Variants in IQCM observed in about 807,000 individuals in gnomAD.
The protein encoded by IQCM is IQ domain-containing protein M.
In IQCM, 45 loss-of-function variants were observed where a neutral mutation model predicts 57.6. The ratio of observed to expected loss-of-function variants is 0.78; its 90% CI spans 0.62 to 1.00. IQCM has a LOEUF of 1.00. Among genes scored for constraint, IQCM ranks in the 50% least tolerant of loss-of-function variants. IQCM has a pLI of 0.00. For synonymous variants in IQCM, 148 were observed against 158.9 expected (o/e 0.93, Z 0.51); for missense variants, 468 against 511.6 (o/e 0.91, Z 0.82).
At chr4:149,539,296 C>A (rs1747612070) in intron 12 of IQCM, among the ~76,000 whole-genome samples, 1 of 152,052 alleles carries the variant, frequency 6.6e-6, no homozygotes, top group Admixed American at 6.6e-5. Flanking sequence ...AAAAGCCAGT[C>A]ATAGTAGACT....
chr4:149,718,284 T>A (rs919258855), intron 5 of IQCM, among the ~76,000 whole-genome samples: 1 of 152,214 alleles, frequency 6.6e-6, no homozygotes, highest in African/African-American at 2.4e-5. Flanking sequence ...CTACCATAAC[T>A]CTGATTCCTA....
At chr4:149,570,763 T>C (rs1751078304) in intron 9 of IQCM, among the ~76,000 whole-genome samples, 2 of 152,198 alleles carry the variant, frequency 1.3e-5, no homozygotes, top group African/African-American at 2.4e-5. Context: ...TATTCCACAT[T>C]TACTAATGAA....
Position 149,622,204 on chromosome 4 carries a change from T to C in IQCM, c.566-960A>G, listed in dbSNP as rs1756398469. Among the ~76,000 whole-genome samples the C allele has an allele frequency of 1.3e-5, 2 of 152,190 alleles. 1 individual carries two copies. Among genetic ancestry groups the C allele is most frequent in the South Asian group, 4.1e-4 (2 of 4,828 alleles). Reference sequence around the variant, plus strand: ...AGACATTCTAATCAGTACATAAACATTCTGCCTCATTTTAACTTTATATAT... The same window carrying C: ...AGACATTCTAATCAGTACATAAACACTCTGCCTCATTTTAACTTTATATAT... On this transcript the variant is annotated intron_variant, in intron 7 of 13. Coordinates refer to ENST00000636793, the MANE Select transcript of IQCM (RefSeq NM_001363507.2).
At chr4:149,644,765 T>C (rs1310541233) in intron 7 of IQCM, among the ~76,000 whole-genome samples, 1 of 152,184 alleles carries the variant, frequency 6.6e-6, no homozygotes, top group East Asian at 1.9e-4. Flanking sequence ...TCAGGCCTCA[T>C]TCCAGACCTA....
chr4:149,697,762 G>T (rs997968549), intron 5 of IQCM, among the ~76,000 whole-genome samples: 3 of 151,862 alleles, frequency 2.0e-5, no homozygotes, highest in African/African-American at 7.3e-5. Context: ...ATTGCATTTT[G>T]CCTATCTACT....
intron 7 of IQCM, among the ~76,000 whole-genome samples, chr4:149,681,649 T>C (rs1212327088): frequency 6.6e-6 from 1 of 151,104 alleles, no homozygotes; most frequent in Non-Finnish European, 1.5e-5. Flanking sequence ...AATGACAGCC[T>C]GAAGCTCATG....
At chr4:149,396,223 T>C (rs1334477696) in intron 13 of IQCM, among the ~76,000 whole-genome samples, 1 of 151,852 alleles carries the variant, frequency 6.6e-6, no homozygotes, top group African/African-American at 2.4e-5. Flanking sequence ...ATTGTTATAG[T>C]TGTCCCCCAA....
intron 8 of IQCM, among the ~76,000 whole-genome samples, chr4:149,599,405 C>T (rs1025448650): frequency 6.6e-6 from 1 of 151,980 alleles, no homozygotes; most frequent in African/African-American, 2.4e-5. Flanking sequence ...TGTACATGTG[C>T]TAAAATTGTA....
chr4:149,721,945 G>A (rs552329684), intron 5 of IQCM, among the ~76,000 whole-genome samples: 14 of 152,020 alleles, frequency 9.2e-5, no homozygotes, highest in Non-Finnish European at 1.5e-4. Flanking sequence ...CCACATCTGT[G>A]CCAACATCTA....
chr4:149,664,990 GA>G (rs888908014), intron 7 of IQCM, among the ~76,000 whole-genome samples: 2 of 152,158 alleles, frequency 1.3e-5, no homozygotes, highest in Admixed American at 1.3e-4. Flanking sequence ...TAGGCACATG[GA>G]ATTTGAAACC....
At chr4:149,398,149 T>G (rs1732362005) in intron 13 of IQCM, among the ~76,000 whole-genome samples, 1 of 152,006 alleles carries the variant, frequency 6.6e-6, no homozygotes, top group Non-Finnish European at 1.5e-5. Context: ...ATTGAAGGTG[T>G]TGTGTATTCT....
intron 12 of IQCM, among the ~76,000 whole-genome samples, chr4:149,496,385 T>C (rs1742662130): frequency 6.6e-6 from 1 of 152,130 alleles, no homozygotes; most frequent in Non-Finnish European, 1.5e-5. Context: ...TTTGCAGATG[T>C]AATGAAGTGA....
chr4:149,625,516 G>A (rs1756715161), intron 7 of IQCM, among the ~76,000 whole-genome samples: 1 of 152,178 alleles, frequency 6.6e-6, no homozygotes, highest in African/African-American at 2.4e-5. Context: ...GACTCAGGGA[G>A]AACTGCATTT....
chr4:149,692,174 C>T (rs1444795163), intron 5 of IQCM, among the ~76,000 whole-genome samples: 1 of 152,154 alleles, frequency 6.6e-6, no homozygotes, highest in Non-Finnish European at 1.5e-5. Flanking sequence ...GCCACAGTGC[C>T]CCAGGGAGCC....
intron 8 of IQCM, among the ~76,000 whole-genome samples, chr4:149,588,593 C>T (rs1010754609): frequency 5.3e-5 from 8 of 151,688 alleles, no homozygotes; most frequent in Non-Finnish European, 1.0e-4. Flanking sequence ...GGGCCTAATT[C>T]AGCAGGACTG....
intron 9 of IQCM, among the ~76,000 whole-genome samples, chr4:149,577,985 A>G (rs1250314855): frequency 1.3e-5 from 2 of 151,718 alleles, no homozygotes; most frequent in African/African-American, 2.4e-5. Context: ...TTTGGTGTCT[A>G]TTGTGAATGG....
intron 2 of IQCM, among the ~76,000 whole-genome samples, chr4:149,781,192 C>T (rs1260574883): frequency 6.6e-6 from 1 of 152,174 alleles, no homozygotes; most frequent in Non-Finnish European, 1.5e-5. Context: ...GGCCCCTGAA[C>T]TATTGTATAC....
chr4:149,372,483 T>C (rs1730430607), intron 13 of IQCM, among the ~76,000 whole-genome samples: 1 of 152,012 alleles, frequency 6.6e-6, no homozygotes, highest in Non-Finnish European at 1.5e-5. Context: ...GGTAGCCCCA[T>C]ATTTGAATGG....
intron 12 of IQCM, among the ~76,000 whole-genome samples, chr4:149,535,300 A>T (rs1747176323): frequency 6.6e-6 from 1 of 152,070 alleles, no homozygotes; most frequent in South Asian, 2.1e-4. Flanking sequence ...ATATTTTAAC[A>T]GCTTGTATTC....
Sources: allele counts gnomAD v4.1 joint callset (sites outside exome capture counted in the v4.1 genomes callset), GRCh38; gene constraint gnomAD v4.1.1; transcripts MANE v1.5; gene names NCBI Gene and HGNC (gene_info 2026-07-23, HGNC 2026-07-21).